MACF1: variants seen among roughly 807,000 people sequenced by gnomAD.
MACF1 encodes microtubule actin crosslinking factor 1.
MACF1 carries 193 observed loss-of-function variants against 854.8 expected under a neutral mutation model. The ratio of observed to expected loss-of-function variants is 0.23; its 90% CI spans 0.20 to 0.25. The LOEUF (loss-of-function observed/expected upper bound fraction) is 0.25, where lower values mean the gene tolerates loss of function less well. MACF1 is among the 10% of genes least tolerant of loss of function. MACF1 has a pLI of 1.00. For synonymous variants in MACF1, 3,185 were observed against 3,226.7 expected (o/e 0.99, Z 0.44); for missense variants, 7,722 against 8,929.1 (o/e 0.86, Z 5.45).
chr1:39,290,927 G>GT (rs1645768861), intron 15 of MACF1, among the ~76,000 whole-genome samples: 1 of 148,564 alleles, frequency 6.7e-6, no homozygotes, highest in Non-Finnish European at 1.5e-5. Context: ...CGCCCACCTT[G>GT]GCCTCCCAAA....
At chr1:39,411,207 A>G in intron 58 of MACF1, 2 of 1,613,792 alleles carry the variant, frequency 1.2e-6, no homozygotes, top group Non-Finnish European at 1.7e-6. Context: ...TGAGAGAGAA[A>G]ACAGAGTCTG....
At chr1:39,143,073 C>T (rs1643381729) in intron 2 of MACF1, among the ~76,000 whole-genome samples, 1 of 152,182 alleles carries the variant, frequency 6.6e-6, no homozygotes, top group South Asian at 2.1e-4. Flanking sequence ...CTATCTTACA[C>T]AGGAGGGCCC....
At chr1:39,097,166 C>T (rs558264505) in intron 2 of MACF1, among the ~76,000 whole-genome samples, 2 of 151,954 alleles carry the variant, frequency 1.3e-5, no homozygotes, top group Admixed American at 6.6e-5. Flanking sequence ...TGTGAGCCAC[C>T]GCGCCTGGCC....
At chr1:39,296,716 C>A (rs370003875) in intron 20 of MACF1, among the ~76,000 whole-genome samples, 30 of 130,382 alleles carry the variant, frequency 2.3e-4, no homozygotes, top group African/African-American at 8.9e-4. Context: ...GGCAACAGAG[C>A]AAGTGTCTAA....
chr1:39,105,722 G>A lies in MACF1; in HGVS notation c.220+21284G>A, dbSNP rs903653472. 2.5e-5 allele frequency: 29 copies of A among 1,162,550 alleles called. No homozygotes were observed. Among genetic ancestry groups the A allele is most frequent in the Non-Finnish European group, 2.4e-5 (22 of 920,044 alleles). The allele number at this position is 1,162,550 out of a possible 1,614,324, so 72.0% of individuals were successfully genotyped here. A position where few individuals can be genotyped will look rare whatever the true frequency, so the allele number is the denominator to read the frequency against. On this transcript the variant is annotated intron_variant, in intron 2 of 93. Coordinates refer to the MACF1 transcript ENST00000361689. The surrounding 1 kb of genome is among the most constrained non-coding windows in gnomAD (Gnocchi z 5.9). ...ATGTGCTGGAGCGGTACAAAGGTAG[G>A]GCCGGGGACTGGCCGGCGCTGAGGC... is the stretch of plus-strand genomic sequence containing the variant.
chr1:39,366,870 C>T (rs1270619284), intron 49 of MACF1, among the ~76,000 whole-genome samples: 1 of 150,752 alleles, frequency 6.6e-6, no homozygotes, highest in Non-Finnish European at 1.5e-5. Flanking sequence ...TCTTGAACTC[C>T]TGAACTCAAG....
At chr1:39,361,045 T>C (rs1390922340) in intron 48 of MACF1, 44 bp downstream of exon 48, 1 of 1,516,504 alleles carries the variant, frequency 6.6e-7, no homozygotes, top group Non-Finnish European at 9.1e-7. Context: ...GTATGTTTGC[T>C]ATGTGCCATC....
At chr1:39,113,794 G>A (rs1406336702) in intron 2 of MACF1, among the ~76,000 whole-genome samples, 1 of 152,130 alleles carries the variant, frequency 6.6e-6, no homozygotes, top group Admixed American at 6.5e-5. Context: ...CCAGCACTTT[G>A]GGAGGCCGAG....
intron 3 of MACF1, among the ~76,000 whole-genome samples, chr1:39,251,601 G>T (rs1214604789): frequency 6.6e-6 from 1 of 152,120 alleles, no homozygotes; most frequent in Non-Finnish European, 1.5e-5. Flanking sequence ...TTTCCCCATA[G>T]TTGACTTAGA....
intron 26 of MACF1, among the ~76,000 whole-genome samples, chr1:39,313,646 G>A (rs1646348332): frequency 6.6e-6 from 1 of 150,954 alleles, no homozygotes; most frequent in African/African-American, 2.4e-5. Flanking sequence ...ATTCAATGGT[G>A]TGTAATTTGT....
At chr1:39,194,071 G>A (rs1460396903) in intron 2 of MACF1, among the ~76,000 whole-genome samples, 1 of 152,052 alleles carries the variant, frequency 6.6e-6, no homozygotes, top group African/African-American at 2.4e-5. Flanking sequence ...GACCTCAGGT[G>A]ATCCAACCAC....
chr1:39,461,870 TC>T lies in MACF1; in HGVS notation c.21524-11del, dbSNP rs778500400. ...CCCTCTTAATGTTTCAAAATATGAT[TC>T]CTTTTCTCCAGAGTTCCCCACCACC... is the stretch of plus-strand genomic sequence containing the variant. On this transcript the variant is annotated splice_polypyrimidine_tract_variant and intron_variant, in intron 92 of 100. Transcript: ENST00000564288. 4 of 1,608,056 alleles carry T rather than the reference TC, an allele frequency of 2.5e-6. No homozygotes were observed. Among genetic ancestry groups the T allele is most frequent in the Non-Finnish European group, 3.4e-6 (4 of 1,177,176 alleles).
At chr1:39,255,799 G>A (rs1645090848) in intron 5 of MACF1, among the ~76,000 whole-genome samples, 1 of 152,170 alleles carries the variant, frequency 6.6e-6, no homozygotes, top group Non-Finnish European at 1.5e-5. Flanking sequence ...GGAGAAAGCA[G>A]CATTGAAATG....
At chr1:39,129,993 C>T (rs892033463) in intron 2 of MACF1, among the ~76,000 whole-genome samples, 1 of 152,064 alleles carries the variant, frequency 6.6e-6, no homozygotes, top group Non-Finnish European at 1.5e-5. Flanking sequence ...GTTTTGATTG[C>T]TTGATTTAGG....
intron 6 of MACF1, among the ~76,000 whole-genome samples, chr1:39,263,481 T>TG (rs1275027694): frequency 2.0e-5 from 3 of 152,224 alleles, no homozygotes; most frequent in African/African-American, 7.2e-5. Context: ...TGTGTGTAGT[T>TG]GCCTTCAGAA....
chr1:39,188,136 AC>A (rs1644202467), intron 2 of MACF1, among the ~76,000 whole-genome samples: 1 of 151,810 alleles, frequency 6.6e-6, no homozygotes, highest in Admixed American at 6.6e-5. Flanking sequence ...GGTGATCTTC[AC>A]ATTTAAGACT....
chr1:39,195,508 T>G (rs1239019969), intron 2 of MACF1, among the ~76,000 whole-genome samples: 1 of 152,200 alleles, frequency 6.6e-6, no homozygotes, highest in African/African-American at 2.4e-5. Flanking sequence ...TCAGCTGTAT[T>G]ATAAAGCACA....
chr1:39,199,243 C>T lies in MACF1; in HGVS notation c.221-31939C>T, dbSNP rs564644344. Among the ~76,000 whole-genome samples, 620 of 152,040 alleles carry T rather than the reference C, an allele frequency of 4.1e-3. 1 individual carries two copies. The highest frequency in any genetic ancestry group is 7.2e-3 in the Non-Finnish European group (490 of 67,956). ...CTCATGATCCGCCCGCCTCGGCCTCCCAAAGTGCTGGGATTACAGGCGTGA... is the reference window on the plus strand; with the variant it reads ...CTCATGATCCGCCCGCCTCGGCCTCTCAAAGTGCTGGGATTACAGGCGTGA... On this transcript the variant is annotated intron_variant, in intron 2 of 93. Transcript: ENST00000361689.
chr1:39,349,567 C>T lies in MACF1; in HGVS notation c.10905C>T (p.His3635=). The change falls in exon 42 of 101, where the codon CAC becomes CAT. Residue 3635 remains histidine (H), a synonymous_variant. Coordinates refer to ENST00000564288, the MANE Select transcript of MACF1 (RefSeq NM_001394062.1). ...AGGCAGAAAGAGCACTGGCAGGCCA[C>T]CAAGGCAGAACCACCCAGCAGGATC... ...VGQAERALAG[H]QGRTTQQDLS... is the part of the protein sequence containing the mutation. 1 of 1,614,206 alleles carries T rather than the reference C, an allele frequency of 6.2e-7. No homozygotes were observed. Among genetic ancestry groups the T allele is most frequent in the East Asian group, 2.2e-5 (1 of 44,888 alleles).
Sources: allele counts gnomAD v4.1 joint callset (sites outside exome capture counted in the v4.1 genomes callset), GRCh38; gene constraint gnomAD v4.1.1; non-coding constraint Gnocchi (gnomAD v3.1); transcripts MANE v1.5; gene names NCBI Gene and HGNC (gene_info 2026-07-23, HGNC 2026-07-21).